TGFBR3: variants seen among roughly 807,000 people sequenced by gnomAD.
TGFBR3 encodes the protein transforming growth factor beta receptor 3, also known as transforming growth factor beta receptor type 3.
TGFBR3 carries 46 observed loss-of-function variants against 87.9 expected under a neutral mutation model. That is an observed-to-expected ratio of 0.52 (90% CI 0.41 to 0.67). The LOEUF (loss-of-function observed/expected upper bound fraction) is 0.67, where lower values mean the gene tolerates loss of function less well. Ranked by LOEUF, TGFBR3 falls within the 30% of genes least tolerant of loss-of-function variation. The probability of loss-of-function intolerance (pLI) is 0.00; values close to 1 mark genes in which losing one functional copy is unlikely to be tolerated. For missense variants in TGFBR3, 866 were observed against 1,041.9 expected (o/e 0.83, Z 2.32); for synonymous variants, 381 against 391.6 (o/e 0.97, Z 0.32).
chr1:91,803,745 C>T lies in TGFBR3; in HGVS notation c.62-6274G>A, dbSNP rs141621191. Reference sequence around the variant, plus strand: ...GAACACATTCCCCACCGTTTCTGTTCCTTCCCACCACCATGGCCTGACAAA... The same window carrying T: ...GAACACATTCCCCACCGTTTCTGTTTCTTCCCACCACCATGGCCTGACAAA... On this transcript the variant is annotated intron_variant, in intron 2 of 16. Transcript: ENST00000212355. Among the ~76,000 whole-genome samples the T allele has an allele frequency of 2.9e-3, 440 of 152,028 alleles. 3 individuals carry two copies. Among genetic ancestry groups the T allele is most frequent in the African/African-American group, 1.0e-2 (414 of 41,530 alleles).
intron 16 of TGFBR3, among the ~76,000 whole-genome samples, chr1:91,684,668 A>G (rs149240737): frequency 1.6e-3 from 242 of 152,316 alleles, no homozygotes; most frequent in African/African-American, 5.5e-3. Flanking sequence ...CAAGTCACAC[A>G]CATGGTTTGC....
At chr1:91,814,649 C>T (rs1163504563) in intron 2 of TGFBR3, among the ~76,000 whole-genome samples, 1 of 152,068 alleles carries the variant, frequency 6.6e-6, no homozygotes, top group African/African-American at 2.4e-5. Context: ...ACTTAATAAA[C>T]CCCTTCAAAC....
At chr1:91,782,274 A>C (rs1370633054) in intron 3 of TGFBR3, among the ~76,000 whole-genome samples, 2 of 152,182 alleles carry the variant, frequency 1.3e-5, no homozygotes, top group Non-Finnish European at 2.9e-5. Context: ...CGGCCCCCAG[A>C]AGTCTTTTGG....
intron 4 of TGFBR3, among the ~76,000 whole-genome samples, chr1:91,752,531 T>C (rs1347629972): frequency 6.6e-6 from 1 of 152,178 alleles, no homozygotes; most frequent in Non-Finnish European, 1.5e-5. Context: ...ATACCCTTTT[T>C]TCCTTATGAG....
At chr1:91,770,706 A>G (rs1265189415) in intron 3 of TGFBR3, 1 of 152,206 alleles carries the variant, frequency 6.6e-6, no homozygotes, top group Non-Finnish European at 1.5e-5. Context: ...AATCCTTCAG[A>G]CCTCTGTTAT....
At position 91,797,461 on chromosome 1, in the gene TGFBR3, AG is replaced by A. The variant is rs1237779975; in HGVS notation, c.71del (p.Pro24LeufsTer19). 1 of 1,614,116 alleles carries A rather than the reference AG, an allele frequency of 6.2e-7. No individual in the cohort carries two copies. Among genetic ancestry groups the A allele is most frequent in the African/African-American group, 1.3e-5 (1 of 74,952 alleles). On this transcript the variant is annotated frameshift_variant, in exon 3 of 17. Transcript: ENST00000212355. LOFTEE classifies it high-confidence loss of function. Reference protein sequence around the residue: ...SSCLATAGPEPGALCELSPVS... With the variant: ...SSCLATAGPEXGALCELSPVS... ...CAGGTGACAGTTCACACAGTGCACCAGGCTCTGGACCTGCCAAGGGAATCAC... is the reference window on the plus strand; with the variant it reads ...CAGGTGACAGTTCACACAGTGCACCAGCTCTGGACCTGCCAAGGGAATCAC...
At chr1:91,845,088 G>T (rs1677421530) in intron 2 of TGFBR3, among the ~76,000 whole-genome samples, 1 of 152,202 alleles carries the variant, frequency 6.6e-6, no homozygotes, top group Non-Finnish European at 1.5e-5. Context: ...AGGCATTCTT[G>T]TAAGCTTTTT....
chr1:91,899,038 C>A (rs868047102), intron 2 of TGFBR3, among the ~76,000 whole-genome samples: 1 of 152,096 alleles, frequency 6.6e-6, no homozygotes, highest in African/African-American at 2.4e-5. Context: ...CTAGACAGAG[C>A]AAATCATAAA....
chr1:91,760,022 A>G (rs1489382766), intron 3 of TGFBR3, among the ~76,000 whole-genome samples: 1 of 152,254 alleles, frequency 6.6e-6, no homozygotes, highest in Non-Finnish European at 1.5e-5. Flanking sequence ...TCATTGATAA[A>G]TAAAACAGTA....
At chr1:91,848,685 G>A (rs1254625777) in intron 2 of TGFBR3, among the ~76,000 whole-genome samples, 3 of 152,108 alleles carry the variant, frequency 2.0e-5, no homozygotes, top group Non-Finnish European at 2.9e-5. Flanking sequence ...GTATTTCTTC[G>A]AAACTGTAAT....
At chr1:91,690,683 A>C (rs772660734) in intron 16 of TGFBR3, among the ~76,000 whole-genome samples, 7 of 152,146 alleles carry the variant, frequency 4.6e-5, no homozygotes, top group Non-Finnish European at 1.0e-4. Context: ...ATTTGTTGCC[A>C]TGTCAGTTTA....
In TGFBR3 at chr1:91,683,065, A is replaced by C; in HGVS notation, c.*674T>G. ...GGTGTATGCAAGTATGGGAAGAAACAGGAAGCTGATAAGGTCATCAGCATT... is the reference window on the plus strand; with the variant it reads ...GGTGTATGCAAGTATGGGAAGAAACCGGAAGCTGATAAGGTCATCAGCATT... On this transcript the variant is annotated 3_prime_UTR_variant, in exon 17 of 17. Coordinates refer to ENST00000212355, the MANE Select transcript of TGFBR3 (RefSeq NM_003243.5). 1 of 454,536 alleles carries C rather than the reference A, an allele frequency of 2.2e-6. No individual in the cohort carries two copies. Among genetic ancestry groups the C allele is most frequent in the Non-Finnish European group, 4.4e-6 (1 of 226,788 alleles). 28.2% of individuals were successfully genotyped at this position (454,536 alleles called of 1,614,324 possible). A position where few individuals can be genotyped will look rare whatever the true frequency, so the allele number is the denominator to read the frequency against.
At chr1:91,775,452 C>T (rs952042424) in intron 3 of TGFBR3, among the ~76,000 whole-genome samples, 8 of 152,216 alleles carry the variant, frequency 5.3e-5, no homozygotes, top group Non-Finnish European at 5.9e-5. Context: ...ACCCAGATCT[C>T]GGCATAGTTC....
At chr1:91,758,475 T>C (rs975768795) in intron 4 of TGFBR3, 138 bp downstream of exon 4, 3 of 1,029,720 alleles carry the variant, frequency 2.9e-6, no homozygotes, top group East Asian at 4.8e-5. Context: ...TATCACTAAG[T>C]GCATCCTCCA....
chr1:91,832,828 C>A lies in TGFBR3; in HGVS notation c.61+28643G>T, dbSNP rs555784751. 2.6e-5 allele frequency among the ~76,000 whole-genome samples: 4 copies of A among 151,774 alleles called. No homozygotes were observed. In the East Asian group the frequency reaches 5.8e-4, roughly 22 times the overall value. On this transcript the variant is annotated intron_variant, in intron 2 of 16. Coordinates refer to ENST00000212355, the MANE Select transcript of TGFBR3 (RefSeq NM_003243.5). Reference sequence around the variant, plus strand: ...GACCAGCCTGGCCAACATGGCGAAACCCTGTCTCTATTAAAAATACAAAAA... The same window carrying A: ...GACCAGCCTGGCCAACATGGCGAAAACCTGTCTCTATTAAAAATACAAAAA...
chr1:91,767,443 T>C (rs1238435165), intron 3 of TGFBR3, among the ~76,000 whole-genome samples: 1 of 133,424 alleles, frequency 7.5e-6, no homozygotes, highest in African/African-American at 2.8e-5. Flanking sequence ...TTAAAAATCA[T>C]GGTGGCAGCA....
At chr1:91,823,947 T>C (rs1341310871) in intron 2 of TGFBR3, among the ~76,000 whole-genome samples, 1 of 152,124 alleles carries the variant, frequency 6.6e-6, no homozygotes, top group Non-Finnish European at 1.5e-5. Flanking sequence ...CTAGGCAACA[T>C]AGCAAGACCC....
chr1:91,847,603 C>CAA (rs57534144), intron 2 of TGFBR3, among the ~76,000 whole-genome samples: 18 of 88,238 alleles, frequency 2.0e-4, no homozygotes, highest in African/African-American at 5.4e-4. Flanking sequence ...AACTCCATCT[C>CAA]AAAAAAAAAA....
intron 7 of TGFBR3, among the ~76,000 whole-genome samples, chr1:91,727,322 T>C (rs796861773): frequency 2.0e-5 from 3 of 152,362 alleles, no homozygotes; most frequent in African/African-American, 7.2e-5. Context: ...GAAGGCTTAA[T>C]TGTGTTCATT....
Sources: gnomAD v4.1 joint callset for allele counts (sites outside exome capture counted in the v4.1 genomes callset) on GRCh38, gnomAD v4.1.1 for gene constraint, MANE v1.5 for transcripts, NCBI Gene and HGNC (gene_info 2026-07-23, HGNC 2026-07-21) for gene names.